HNF4G: variants seen among roughly 807,000 people sequenced by gnomAD.
HNF4G encodes the protein hepatocyte nuclear factor 4 gamma.
Under a neutral mutation model 50.9 loss-of-function variants are expected in HNF4G, and 21 were observed. The ratio of observed to expected loss-of-function variants is 0.41; its 90% CI spans 0.29 to 0.59. HNF4G has a LOEUF of 0.59. Ranked by LOEUF, HNF4G falls within the 20% of genes least tolerant of loss-of-function variation. The pLI, the probability that HNF4G is intolerant of heterozygous loss-of-function variation, is 0.26. For missense variants in HNF4G, 527 were observed against 559.4 expected (o/e 0.94, Z 0.58); for synonymous variants, 198 against 185.6 (o/e 1.07, Z -0.54).
chr8:75,556,675 A>G (rs1315279905), intron 6 of HNF4G, among the ~76,000 whole-genome samples: 2 of 152,134 alleles, frequency 1.3e-5, no homozygotes, highest in Non-Finnish European at 2.9e-5. Flanking sequence ...TACTTAACTT[A>G]AACAGTTAGG....
chr8:75,507,202 AATCTCT>A (rs1805607727), intron 2 of HNF4G, among the ~76,000 whole-genome samples: 1 of 152,100 alleles, frequency 6.6e-6, no homozygotes, highest in Admixed American at 6.6e-5. Context: ...ATTTTATTAC[AATCTCT>A]ATCTCTATAT....
upstream of HNF4G, among the ~76,000 whole-genome samples, chr8:75,536,602 A>C (rs1235331458): frequency 6.6e-6 from 1 of 152,014 alleles, no homozygotes; most frequent in Non-Finnish European, 1.5e-5. Context: ...AATATATATA[A>C]AAAAAACCGG....
intron 2 of HNF4G, among the ~76,000 whole-genome samples, chr8:75,497,976 G>T (rs1361704747): frequency 6.6e-6 from 1 of 151,788 alleles, no homozygotes; most frequent in Non-Finnish European, 1.5e-5. Context: ...TAAATTTGAA[G>T]TATTCATACC....
At chr8:75,436,105 C>T (rs970227573) in intron 1 of HNF4G, among the ~76,000 whole-genome samples, 5 of 151,874 alleles carry the variant, frequency 3.3e-5, no homozygotes, top group African/African-American at 7.3e-5. Context: ...ATGGGAGAAA[C>T]ACAAGTTTTT....
intron 2 of HNF4G, among the ~76,000 whole-genome samples, chr8:75,501,197 T>C (rs1055146723): frequency 6.6e-6 from 1 of 152,052 alleles, no homozygotes; most frequent in Non-Finnish European, 1.5e-5. Context: ...CCCAGCACAT[T>C]GGGAGGCCAA....
At chr8:75,530,179 C>T (rs574908317) in intron 2 of HNF4G, among the ~76,000 whole-genome samples, 11 of 152,160 alleles carry the variant, frequency 7.2e-5, no homozygotes, top group Admixed American at 2.0e-4. Context: ...TCTAGGCCTC[C>T]GGGAAAATAG....
intron 1 of HNF4G, among the ~76,000 whole-genome samples, chr8:75,543,407 T>C (rs767993289): frequency 1.3e-5 from 2 of 152,164 alleles, no homozygotes; most frequent in African/African-American, 2.4e-5. Context: ...ACTTTTGTTT[T>C]TGATATGTTA....
At chr8:75,507,098 T>C (rs1805604670) in intron 2 of HNF4G, among the ~76,000 whole-genome samples, 1 of 152,146 alleles carries the variant, frequency 6.6e-6, no homozygotes, top group Non-Finnish European at 1.5e-5. Context: ...GTTTGTAAAA[T>C]ACACATTTTG....
At chr8:75,473,201 CG>C (rs1563520091) in intron 1 of HNF4G, among the ~76,000 whole-genome samples, 1 of 151,214 alleles carries the variant, frequency 6.6e-6, no homozygotes, top group Admixed American at 6.6e-5. Flanking sequence ...CCCAGCTACT[CG>C]GGAGGCTGAG....
chr8:75,453,663 C>T (rs895575682), intron 1 of HNF4G, among the ~76,000 whole-genome samples: 3 of 152,134 alleles, frequency 2.0e-5, no homozygotes, highest in African/African-American at 7.2e-5. Context: ...AGGTCTGCAG[C>T]TCCATTCTTG....
chr8:75,430,474 T>TAGAGAGAGAGAGAG (rs66481707), intron 1 of HNF4G, among the ~76,000 whole-genome samples: 3 of 136,048 alleles, frequency 2.2e-5, no homozygotes, highest in African/African-American at 8.3e-5. Context: ...GGGTAGGGAG[T>TAGAGAGAGAGAGAG]AGAGAGAGAG....
chr8:75,554,347 G>A (rs534938967), intron 5 of HNF4G, among the ~76,000 whole-genome samples: 1 of 151,996 alleles, frequency 6.6e-6, no homozygotes, highest in Non-Finnish European at 1.5e-5. Flanking sequence ...TTAAAAATTG[G>A]GAAATTAAAA....
intron 1 of HNF4G, among the ~76,000 whole-genome samples, chr8:75,542,281 G>A (rs1488065926): frequency 6.6e-6 from 1 of 150,908 alleles, no homozygotes; most frequent in Non-Finnish European, 1.5e-5. Context: ...GTCCAGCCTG[G>A]GTGACAAAGC....
At chr8:75,476,667 A>G (rs1281294769) in intron 1 of HNF4G, among the ~76,000 whole-genome samples, 1 of 152,222 alleles carries the variant, frequency 6.6e-6, no homozygotes, top group Non-Finnish European at 1.5e-5. Context: ...TATTTTATCA[A>G]GAGTTGAGAT....
intron 9 of HNF4G, among the ~76,000 whole-genome samples, chr8:75,561,839 C>T (rs7836388): frequency 0.052 from 7,978 of 152,236 alleles, 253 homozygotes; most frequent in Middle Eastern, 0.071. Flanking sequence ...CATATAAATA[C>T]TATAGAGATT....
At chr8:75,458,833 C>G (rs1811783477) in intron 1 of HNF4G, among the ~76,000 whole-genome samples, 1 of 152,100 alleles carries the variant, frequency 6.6e-6, no homozygotes, top group Non-Finnish European at 1.5e-5. Context: ...TAATGACAAT[C>G]TTTCTTCTAT....
chr8:75,559,907 A>G (rs933468423), intron 8 of HNF4G, among the ~76,000 whole-genome samples: 1 of 152,232 alleles, frequency 6.6e-6, no homozygotes, highest in Non-Finnish European at 1.5e-5. Context: ...TTTGCATTCC[A>G]ATCTAGATTA....
intron 1 of HNF4G, among the ~76,000 whole-genome samples, chr8:75,477,644 CA>C (rs561600704): frequency 4.3e-4 from 65 of 151,724 alleles, no homozygotes; most frequent in African/African-American, 1.5e-3. Flanking sequence ...CTATTTGCAC[CA>C]TTAAAAATAT....
intron 2 of HNF4G, among the ~76,000 whole-genome samples, chr8:75,502,326 C>A (rs1429589312): frequency 6.6e-6 from 1 of 152,068 alleles, no homozygotes. Context: ...TGAGGATACC[C>A]TGTATAAACA....
Sources: gnomAD v4.1 joint callset for allele counts (sites outside exome capture counted in the v4.1 genomes callset) on GRCh38, gnomAD v4.1.1 for gene constraint, MANE v1.5 for transcripts, NCBI Gene and HGNC (gene_info 2026-07-23, HGNC 2026-07-21) for gene names.